Variants in LINGO2 observed in about 807,000 individuals in gnomAD.
The protein encoded by LINGO2 is leucine rich repeat and Ig domain containing 2.
In LINGO2, 14 loss-of-function variants were observed where a neutral mutation model predicts 30.6. That is an observed-to-expected ratio of 0.46 (90% CI 0.30 to 0.72). The LOEUF (loss-of-function observed/expected upper bound fraction) is 0.72, where lower values mean the gene tolerates loss of function less well. LINGO2 is among the 30% of genes least tolerant of loss of function. The pLI is 0.07. For synonymous variants in LINGO2, 317 were observed against 288.5 expected, an observed-to-expected ratio of 1.10 and a Z score of -1.00; for missense variants, 729 against 751.7, an observed-to-expected ratio of 0.97 and a Z score of 0.35.
At chr9:27,995,824 C>T (rs1424905822) in intron 5 of LINGO2, among the ~76,000 whole-genome samples, 1 of 152,088 alleles carries the variant, frequency 6.6e-6, no homozygotes, top group Non-Finnish European at 1.5e-5. Context: ...TGCCCAATTT[C>T]ACCACTTATA....
At chr9:28,740,768 C>A in the LINGO2 span, among the ~76,000 whole-genome samples, 1 of 151,968 alleles carries the variant, frequency 6.6e-6, no homozygotes, top group East Asian at 1.9e-4. Flanking sequence ...CTAATTAATA[C>A]AAACATTACT....
At chr9:29,164,693 G>C in the LINGO2 span, among the ~76,000 whole-genome samples, 2 of 151,894 alleles carry the variant, frequency 1.3e-5, no homozygotes, top group African/African-American at 4.8e-5. Context: ...ACCTGCCTCA[G>C]TCAATTTGTA....
rs563897450 is a variant in LINGO2 at position 28,172,382 on chromosome 9, C to A, written c.-87+122826G>T. Among the ~76,000 whole-genome samples, 3 of 147,916 alleles carry A rather than the reference C, an allele frequency of 2.0e-5. No individual in the cohort carries two copies. The South Asian group carries it at 6.5e-4, about 32-fold the overall frequency. ...CTCCAGCCTGGGCGACAGAGCGAGA[C>A]TCCGTCTCAAAAAAAAAAAAAAGAA... is the stretch of plus-strand genomic sequence containing the variant. On this transcript the variant is annotated intron_variant, in intron 4 of 5. Transcript: ENST00000379992.
At chr9:27,989,445 C>CTGTG (rs5897262) in intron 5 of LINGO2, among the ~76,000 whole-genome samples, 36 of 150,494 alleles carry the variant, frequency 2.4e-4, no homozygotes, top group African/African-American at 6.1e-4. Flanking sequence ...TGAATGCTCT[C>CTGTG]TGTGTGTGTG....
chr9:28,950,343 G>T, the LINGO2 span, among the ~76,000 whole-genome samples: 1 of 152,166 alleles, frequency 6.6e-6, no homozygotes, highest in Non-Finnish European at 1.5e-5. Context: ...ACAAGACAAG[G>T]ATGTCCTCTC....
chr9:28,283,233 C>T (rs1423357720), intron 4 of LINGO2, among the ~76,000 whole-genome samples: 2 of 152,128 alleles, frequency 1.3e-5, no homozygotes, highest in Non-Finnish European at 2.9e-5. Context: ...TGGGTATATA[C>T]ATTTACGTAC....
At chr9:28,485,567 T>C (rs528485354) in intron 1 of LINGO2, among the ~76,000 whole-genome samples, 2 of 152,184 alleles carry the variant, frequency 1.3e-5, no homozygotes, top group Admixed American at 1.3e-4. Flanking sequence ...GGAGACAGTA[T>C]AAGTTGATGA....
chr9:28,595,803 T>C (rs1017763074), intron 1 of LINGO2, among the ~76,000 whole-genome samples: 4 of 152,142 alleles, frequency 2.6e-5, no homozygotes, highest in African/African-American at 9.6e-5. Context: ...ATTGTCACAT[T>C]GCCTGTGCAT....
At chr9:28,402,950 T>C (rs941241995) in intron 2 of LINGO2, among the ~76,000 whole-genome samples, 1 of 152,106 alleles carries the variant, frequency 6.6e-6, no homozygotes, top group Admixed American at 6.6e-5. Context: ...CACTTAACAG[T>C]TGTAGTATGA....
chr9:28,635,689 A>G (rs1198192048), intron 1 of LINGO2, among the ~76,000 whole-genome samples: 1 of 152,158 alleles, frequency 6.6e-6, no homozygotes, highest in African/African-American at 2.4e-5. Context: ...GTAAAAAAAT[A>G]TTATGACAAA....
the LINGO2 span, among the ~76,000 whole-genome samples, chr9:28,693,693 T>G: frequency 1.3e-5 from 2 of 152,122 alleles, no homozygotes; most frequent in Admixed American, 1.3e-4. Context: ...CTCTGAAATG[T>G]CAGGGCAATC....
At chr9:28,620,492 T>C (rs935125810) in intron 1 of LINGO2, among the ~76,000 whole-genome samples, 7 of 152,010 alleles carry the variant, frequency 4.6e-5, no homozygotes, top group African/African-American at 1.7e-4. Flanking sequence ...ATATTGAAAA[T>C]AATGTGTGCA....
At chr9:28,241,094 C>G (rs947113510) in intron 4 of LINGO2, among the ~76,000 whole-genome samples, 1 of 151,560 alleles carries the variant, frequency 6.6e-6, no homozygotes, top group African/African-American at 2.4e-5. Context: ...CATGGTGAAA[C>G]CCCGTCTCTA....
At chr9:28,696,342 T>C in the LINGO2 span, among the ~76,000 whole-genome samples, 1 of 151,898 alleles carries the variant, frequency 6.6e-6, no homozygotes, top group African/African-American at 2.4e-5. Flanking sequence ...TTGTGCTGTA[T>C]TTCCATTATA....
At chr9:28,655,157 C>T (rs908933768) in intron 1 of LINGO2, among the ~76,000 whole-genome samples, 1 of 151,988 alleles carries the variant, frequency 6.6e-6, no homozygotes, top group Admixed American at 6.6e-5. Flanking sequence ...AAGAGTTGAT[C>T]GTTTTATAAG....
chr9:28,815,618 T>C, the LINGO2 span, among the ~76,000 whole-genome samples: 2 of 152,318 alleles, frequency 1.3e-5, 1 homozygote, highest in South Asian at 4.1e-4. Context: ...TCTTTTACTA[T>C]TTCTTCTTAA....
intron 5 of LINGO2, among the ~76,000 whole-genome samples, chr9:27,987,308 T>A (rs1007570687): frequency 1.3e-5 from 2 of 151,818 alleles, no homozygotes; most frequent in Non-Finnish European, 2.9e-5. Flanking sequence ...CTCTCTTCCT[T>A]GCTTCTTTCC....
intron 4 of LINGO2, among the ~76,000 whole-genome samples, chr9:28,123,577 A>G (rs933287530): frequency 2.0e-5 from 3 of 152,230 alleles, no homozygotes; most frequent in African/African-American, 7.2e-5. Flanking sequence ...CTGGCATTCA[A>G]AAATGCTTCT....
chr9:29,077,110 C>T, the LINGO2 span, among the ~76,000 whole-genome samples: 1 of 151,848 alleles, frequency 6.6e-6, no homozygotes. Context: ...TTTTATATCG[C>T]TTTACTTATT....
Sources: gnomAD v4.1 joint callset for allele counts (sites outside exome capture counted in the v4.1 genomes callset) on GRCh38, gnomAD v4.1.1 for gene constraint, MANE v1.5 for transcripts, NCBI Gene and HGNC (gene_info 2026-07-23, HGNC 2026-07-21) for gene names.